Variants in COL4A1 observed in about 807,000 individuals in gnomAD.
COL4A1 encodes collagen alpha-1(IV) chain.
In COL4A1, 40 loss-of-function variants were observed where a neutral mutation model predicts 216.6. The observed-to-expected ratio is 0.18, with a 90% confidence interval of 0.14 to 0.24. The LOEUF (loss-of-function observed/expected upper bound fraction) is 0.24, where lower values mean the gene tolerates loss of function less well. COL4A1 is among the 10% of genes least tolerant of loss of function. The pLI, the probability that COL4A1 is intolerant of heterozygous loss-of-function variation, is 1.00. For missense variants in COL4A1, 1,628 were observed against 2,196.8 expected, an observed-to-expected ratio of 0.74 and a Z score of 5.18; for synonymous variants, 839 against 810.7, an observed-to-expected ratio of 1.03 and a Z score of -0.59.
At chr13:110,253,241 G>A (rs191640498) in intron 1 of COL4A1, among the ~76,000 whole-genome samples, 12 of 113,234 alleles carry the variant, frequency 1.1e-4, no homozygotes, top group Non-Finnish European at 5.4e-5. Context: ...ATATAATTAG[G>A]TATATATACA....
At position 110,291,534 on chromosome 13, in the gene COL4A1, C is replaced by G. The variant is rs968623773; in HGVS notation, c.84+15410G>C. On this transcript the variant is annotated intron_variant, in intron 1 of 51. Transcript: ENST00000375820. ...CTCTCCCATCGCCTTCTCAGCCCTG[C>G]GAGGCTGGCCACGTGGCAGGGACTA... Among the ~76,000 whole-genome samples the G allele has an allele frequency of 7.2e-5, 11 of 152,298 alleles. No homozygotes were observed. The East Asian group carries it at 2.1e-3, about 29-fold the overall frequency.
intron 2 of COL4A1, among the ~76,000 whole-genome samples, chr13:110,234,222 A>G (rs1343964742): frequency 6.6e-6 from 1 of 152,234 alleles, no homozygotes; most frequent in African/African-American, 2.4e-5. Flanking sequence ...GGGGGAACTT[A>G]CACTAGAATC....
chr13:110,299,037 T>A (rs1304201077), intron 1 of COL4A1: 1 of 152,634 alleles, frequency 6.6e-6, no homozygotes, highest in African/African-American at 2.4e-5. Context: ...CCCCCGCCCA[T>A]CTGACCTTCC....
chr13:110,163,640 T>G, intron 46 of COL4A1, 79 bp from the exon 47 acceptor site: 1 of 1,357,002 alleles, frequency 7.4e-7, no homozygotes, highest in Non-Finnish European at 1.0e-6. Context: ...AATGTCCTTT[T>G]CAGTGTTCAA....
intron 36 of COL4A1, 30 bp downstream of exon 36, chr13:110,176,394 C>T (rs761299324): frequency 1.4e-6 from 2 of 1,479,150 alleles, no homozygotes; most frequent in Admixed American, 1.7e-5. Flanking sequence ...CGCACACATG[C>T]TAAAGAATCC....
intron 2 of COL4A1, among the ~76,000 whole-genome samples, chr13:110,233,046 C>T (rs896106098): frequency 2.0e-5 from 3 of 152,162 alleles, no homozygotes; most frequent in Non-Finnish European, 2.9e-5. Flanking sequence ...GAGCCAGCGA[C>T]GGGTGGGCCT....
chr13:110,260,889 T>C (rs1471888635), intron 1 of COL4A1, among the ~76,000 whole-genome samples: 1 of 151,880 alleles, frequency 6.6e-6, no homozygotes, highest in Non-Finnish European at 1.5e-5. Flanking sequence ...TACAAAAAAT[T>C]AGCTGGGTGC....
At chr13:110,228,245 G>A (rs955831322) in intron 2 of COL4A1, among the ~76,000 whole-genome samples, 1 of 148,028 alleles carries the variant, frequency 6.8e-6, no homozygotes, top group Admixed American at 6.7e-5. Flanking sequence ...GGCGGGGGGG[G>A]GGTCTACATC....
At chr13:110,195,531 C>T (rs1878846527) in intron 21 of COL4A1, among the ~76,000 whole-genome samples, 2 of 152,102 alleles carry the variant, frequency 1.3e-5, no homozygotes, top group African/African-American at 4.8e-5. Context: ...AATTTTCTTC[C>T]TTTTTTCCCC....
chr13:110,173,810 C>T (rs957441854), intron 40 of COL4A1, 90 bp downstream of exon 40: 18 of 1,478,900 alleles, frequency 1.2e-5, no homozygotes, highest in Admixed American at 3.4e-5. Context: ...CCATTCTGTG[C>T]CCAGCTTTAT....
intron 1 of COL4A1, among the ~76,000 whole-genome samples, chr13:110,256,267 CG>C (rs966014286): frequency 6.6e-6 from 1 of 151,874 alleles, no homozygotes; most frequent in African/African-American, 2.4e-5. Context: ...TATTCTAGTC[CG>C]GGGGGAAAAA....
Position 110,183,202 on chromosome 13 carries a change from C to T in COL4A1, c.1972G>A (p.Gly658Ser). 1.2e-6 allele frequency: 2 copies of T among 1,613,932 alleles called. No homozygotes were observed. The highest frequency in any genetic ancestry group is 1.7e-6 in the Non-Finnish European group (2 of 1,180,002). Residue 658 changes from glycine (G) to serine (S), a missense_variant, in exon 27 of 52, where the codon GGC (glycine) becomes AGC (serine). Physicochemically the swap from Gly to Ser is moderately conservative, Grantham distance 56. This residue lies in a region of COL4A1 where 701 missense variants were observed against 892.5 expected (regional missense o/e 0.79). Coordinates refer to ENST00000375820, the MANE Select transcript of COL4A1 (RefSeq NM_001845.6). ...ATCGTACCTTGGGGACCTGGGAAGC[C>T]TGGGGACCCCGGCAGTCCTTCTGCT... is the stretch of plus-strand genomic sequence containing the variant. ...PGAEGLPGSP[G>S]FPGPQGDRGF...
Position 110,172,917 on chromosome 13 carries a change from G to T in COL4A1, c.3506-147C>A, listed in dbSNP as rs17517598. ...GTTAATTGCACCCTTGTAATAAAAT[G>T]ATATTCCTACAGTTATAAGATACCC... On this transcript the variant is annotated intron_variant, in intron 40 of 51. Coordinates refer to ENST00000375820, the MANE Select transcript of COL4A1 (RefSeq NM_001845.6). The T allele has an allele frequency of 0.14, 101,625 of 731,658 alleles. 8,490 individuals carry two copies. Among genetic ancestry groups the T allele is most frequent in the Non-Finnish European group, 0.16 (63,706 of 400,240 alleles). 45.3% of individuals were successfully genotyped at this position (731,658 alleles called of 1,614,324 possible).
chr13:110,191,068 G>C (rs1384381216), intron 24 of COL4A1: 1 of 152,246 alleles, frequency 6.6e-6, no homozygotes, highest in African/African-American at 2.4e-5. Context: ...ACTACAGTCA[G>C]GGCTACCCAG....
At chr13:110,263,988 A>G (rs970161336) in intron 1 of COL4A1, among the ~76,000 whole-genome samples, 2 of 152,240 alleles carry the variant, frequency 1.3e-5, no homozygotes, top group Non-Finnish European at 2.9e-5. Context: ...CTGTATCAAA[A>G]GAAAAAGTTC....
chr13:110,180,980 A>G (rs1878126107), intron 29 of COL4A1, among the ~76,000 whole-genome samples: 1 of 152,226 alleles, frequency 6.6e-6, no homozygotes, highest in Non-Finnish European at 1.5e-5. Context: ...GCTTTCAAAC[A>G]GCCTTCATCT....
At chr13:110,295,161 T>C (rs1884222182) in intron 1 of COL4A1, among the ~76,000 whole-genome samples, 1 of 152,268 alleles carries the variant, frequency 6.6e-6, no homozygotes, top group Admixed American at 6.5e-5. Context: ...TATGTGAAGA[T>C]CCCACTTTTA....
rs9521634 is a variant in COL4A1 at position 110,181,552 on chromosome 13, T to C, written c.2096-163A>G. The stretch of plus-strand genomic sequence containing the variant: ...GTGGCTGGAAGAGGCCAGGGGAGAC[T>C]GCCCGGCAGAGGGGTCAGGTGCGTT... On this transcript the variant is annotated intron_variant, in intron 28 of 51. Transcript: ENST00000375820. Among the ~76,000 whole-genome samples, 51,800 of 152,056 alleles carry C rather than the reference T, an allele frequency of 0.34. 8,904 individuals are homozygous for C. Among genetic ancestry groups the C allele is most frequent in the South Asian group, 0.37 (1,786 of 4,810 alleles).
At chr13:110,159,204 C>T (rs746562126) in intron 49 of COL4A1, among the ~76,000 whole-genome samples, 15 of 152,184 alleles carry the variant, frequency 9.9e-5, no homozygotes, top group Non-Finnish European at 1.9e-4. Context: ...CAAGGGAGAT[C>T]GCTCAGTCCA....
Sources: allele counts gnomAD v4.1 joint callset (sites outside exome capture counted in the v4.1 genomes callset), GRCh38; gene constraint gnomAD v4.1.1; regional missense constraint gnomAD v4.1.1; transcripts MANE v1.5; gene names NCBI Gene and HGNC (gene_info 2026-07-23, HGNC 2026-07-21).